RYR2: variants seen among roughly 807,000 people sequenced by gnomAD.
RYR2 encodes cardiac muscle ryanodine receptor-calcium release channel.
In RYR2, 227 loss-of-function variants were observed where a neutral mutation model predicts 601.1. The observed-to-expected ratio is 0.38, with a 90% CI of 0.34 to 0.42. The LOEUF (loss-of-function observed/expected upper bound fraction) is 0.42. RYR2 is among the 10% of genes least tolerant of loss of function. The pLI is 1.00. For synonymous variants in RYR2, 2,223 were observed against 2,175.1 expected (o/e 1.02, Z -0.61); for missense variants, 4,646 against 6,156.5 (o/e 0.75, Z 8.21).
chr1:237,086,458 A>G (rs1310104820), intron 1 of RYR2, among the ~76,000 whole-genome samples: 2 of 152,158 alleles, frequency 1.3e-5, no homozygotes, highest in Admixed American at 6.5e-5. Flanking sequence ...GAGGGACACA[A>G]TTCAGTCCTT....
At chr1:237,706,259 C>CA (rs1218615737) in intron 67 of RYR2, among the ~76,000 whole-genome samples, 1 of 151,526 alleles carries the variant, frequency 6.6e-6, no homozygotes, top group Non-Finnish European at 1.5e-5. Context: ...GCAGCAACAA[C>CA]AAAAAAAGTT....
chr1:237,802,720 G>A (rs1174452842), intron 98 of RYR2, among the ~76,000 whole-genome samples: 1 of 152,246 alleles, frequency 6.6e-6, no homozygotes, highest in Non-Finnish European at 1.5e-5. Flanking sequence ...GGCTCTAGTT[G>A]GCATTTTCCA....
At chr1:237,488,553 A>G (rs531489962) in intron 17 of RYR2, among the ~76,000 whole-genome samples, 1 of 152,292 alleles carries the variant, frequency 6.6e-6, no homozygotes, top group Middle Eastern at 3.4e-3. Context: ...CTGGATGTAC[A>G]CTGTGACCTG....
At chr1:237,442,016 A>G (rs1320167890) in intron 13 of RYR2, among the ~76,000 whole-genome samples, 2 of 152,234 alleles carry the variant, frequency 1.3e-5, no homozygotes, top group Admixed American at 6.5e-5. Flanking sequence ...GAGTGCTGAA[A>G]CCATAGTAGG....
intron 27 of RYR2, among the ~76,000 whole-genome samples, chr1:237,556,423 C>G (rs1442670148): frequency 6.6e-6 from 1 of 151,342 alleles, no homozygotes; most frequent in East Asian, 1.9e-4. Context: ...GCCTCAGCCT[C>G]CCGAGTAGCT....
intron 1 of RYR2, among the ~76,000 whole-genome samples, chr1:237,207,293 C>T (rs1014098702): frequency 6.6e-6 from 1 of 152,182 alleles, no homozygotes; most frequent in African/African-American, 2.4e-5. Context: ...TGGCCAGGCA[C>T]GGCGGCTCAC....
At chr1:237,096,088 T>C (rs1473457794) in intron 1 of RYR2, among the ~76,000 whole-genome samples, 9 of 152,152 alleles carry the variant, frequency 5.9e-5, no homozygotes, top group Non-Finnish European at 1.3e-4. Context: ...TCCTGAAAAT[T>C]GTTTGGGACT....
At position 237,833,568 on chromosome 1, in the gene RYR2, A is replaced by ATAAT. The variant is rs1451730020; in HGVS notation, c.*924_*927dup. On this transcript the variant is annotated 3_prime_UTR_variant, in exon 105 of 105. Transcript: ENST00000366574. Reference sequence around the variant, plus strand: ...TGATCAACGTGAGAGAAATTTCATGATAATTATTCATAGTAATAAAGTGTC... The same window carrying ATAAT: ...TGATCAACGTGAGAGAAATTTCATGATAATTAATTATTCATAGTAATAAAGTGTC... 6.6e-6 allele frequency: 1 copy of ATAAT among 152,642 alleles called. No homozygotes were observed. Among genetic ancestry groups the ATAAT allele is most frequent in the Non-Finnish European group, 1.5e-5 (1 of 68,042 alleles). 9.5% of individuals were successfully genotyped at this position (152,642 alleles called of 1,614,324 possible).
At chr1:237,321,467 G>C (rs1355485313) in intron 2 of RYR2, among the ~76,000 whole-genome samples, 2 of 152,150 alleles carry the variant, frequency 1.3e-5, no homozygotes, top group Non-Finnish European at 2.9e-5. Context: ...TCTGTGACTA[G>C]AATTTATGTG....
intron 63 of RYR2, among the ~76,000 whole-genome samples, chr1:237,691,558 C>T (rs1686944980): frequency 6.6e-6 from 1 of 152,132 alleles, no homozygotes; most frequent in South Asian, 2.1e-4. Context: ...AATATTTCTT[C>T]TGCATTGATG....
Position 237,165,111 on chromosome 1 carries a change from C to T in RYR2, c.49-105386C>T, listed in dbSNP as rs544013807. ...TAGCTGGGACTATAGGCGCATGCAC[C>T]ATACCTGGCTAATTAATTTTTTTTT... On this transcript the variant is annotated intron_variant, in intron 1 of 104. Transcript: ENST00000366574. Among the ~76,000 whole-genome samples, 6 of 152,040 alleles carry T rather than the reference C, an allele frequency of 3.9e-5. No individual in the cohort carries two copies. The South Asian group carries it at 1.2e-3, about 32-fold the overall frequency.
chr1:237,201,704 TG>T (rs1681212337), intron 1 of RYR2, among the ~76,000 whole-genome samples: 3 of 152,200 alleles, frequency 2.0e-5, no homozygotes, highest in African/African-American at 7.2e-5. Flanking sequence ...GAATTTTCAC[TG>T]GATGAGGGGC....
Position 237,521,138 on chromosome 1 carries a change from A to T in RYR2, c.2823-9289A>T, listed in dbSNP as rs192603580. On this transcript the variant is annotated intron_variant, in intron 24 of 104. Coordinates refer to ENST00000366574, the MANE Select transcript of RYR2 (RefSeq NM_001035.3). The stretch of plus-strand genomic sequence containing the variant: ...ATTATACCTAACATACATAGAACTA[A>T]TATCAATCCTCCTGAAACTGTTTCA... Among the ~76,000 whole-genome samples the T allele has an allele frequency of 1.2e-4, 18 of 147,768 alleles. No homozygotes were observed. In the East Asian group the frequency reaches 3.3e-3, roughly 27 times the overall value.
In RYR2 at chr1:237,448,538, T is replaced by A. The variant is rs1657669204; in HGVS notation, c.1292+3016T>A. On this transcript the variant is annotated intron_variant, in intron 14 of 104. Coordinates refer to ENST00000366574, the MANE Select transcript of RYR2 (RefSeq NM_001035.3). ...ATTTAGATCTTTAATTTCCTTACGTTTTTCAGTCTCTTTGTTCTACTAATT... is the reference window on the plus strand; with the variant it reads ...ATTTAGATCTTTAATTTCCTTACGTATTTCAGTCTCTTTGTTCTACTAATT... Among the ~76,000 whole-genome samples, 3 of 152,174 alleles carry A rather than the reference T, an allele frequency of 2.0e-5. No homozygotes were observed. In the South Asian group the frequency reaches 6.2e-4, roughly 31 times the overall value.
At chr1:237,508,867 C>A (rs1329557466) in intron 23 of RYR2, among the ~76,000 whole-genome samples, 1 of 149,614 alleles carries the variant, frequency 6.7e-6, no homozygotes, top group African/African-American at 2.5e-5. Flanking sequence ...CTCAGCCTCC[C>A]GAGTAGCTGG....
chr1:237,721,002 T>G (rs1489492351), intron 73 of RYR2, among the ~76,000 whole-genome samples: 4 of 152,190 alleles, frequency 2.6e-5, no homozygotes. Flanking sequence ...GAATAAATAT[T>G]CATCTTGTCA....
chr1:237,751,157 T>C (rs2149246196), intron 80 of RYR2, among the ~76,000 whole-genome samples: 1 of 152,328 alleles, frequency 6.6e-6, no homozygotes, highest in East Asian at 1.9e-4. Context: ...TTCTTAGTGG[T>C]CCCAAGTTTT....
At chr1:237,775,075 C>CAAAAAAAAAAA (rs5781992) in intron 87 of RYR2, among the ~76,000 whole-genome samples, 14 of 90,436 alleles carry the variant, frequency 1.5e-4, no homozygotes, top group East Asian at 1.1e-3. Flanking sequence ...CAATAAGAAC[C>CAAAAAAAAAAA]AAAAAAAAAA....
Position 237,676,685 on chromosome 1 carries a change from G to C in RYR2, c.8831-1363G>C, listed in dbSNP as rs532687740. ...CCTTCTCCCTTTATCCTTCACTTTG[G>C]AGATTTTGCAGCATATCTCTAATGT... On this transcript the variant is annotated intron_variant, in intron 60 of 104. Transcript: ENST00000366574. 1.6e-4 allele frequency among the ~76,000 whole-genome samples: 25 copies of C among 152,142 alleles called. 1 individual carries two copies. The South Asian group carries it at 5.0e-3, about 30-fold the overall frequency.
Sources: allele counts gnomAD v4.1 joint callset (sites outside exome capture counted in the v4.1 genomes callset), GRCh38; gene constraint gnomAD v4.1.1; transcripts MANE v1.5; gene names NCBI Gene and HGNC (gene_info 2026-07-23, HGNC 2026-07-21).